The following VPS13B variants were observed in gnomAD, a reference collection of about 807,000 sequenced individuals.
VPS13B encodes intermembrane lipid transfer protein VPS13B.
A neutral mutation model predicts 426.4 loss-of-function variants in VPS13B; 285 were observed. The ratio of observed to expected loss-of-function variants is 0.67; its 90% confidence interval spans 0.61 to 0.74. The LOEUF (loss-of-function observed/expected upper bound fraction) is 0.74. Among genes scored for constraint, VPS13B ranks in the 30% least tolerant of loss-of-function variants. VPS13B has a pLI of 0.00. For missense variants in VPS13B, 4,537 were observed against 4,782.6 expected (o/e 0.95, Z 1.51); for synonymous variants, 1,676 against 1,676.4 (o/e 1.00, Z 0.01).
At chr8:99,038,679 CTTTTTTTT>C (rs34774482) in intron 3 of VPS13B, 113 bp downstream of exon 3, 14 of 168,728 alleles carry the variant, frequency 8.3e-5, no homozygotes, top group Middle Eastern at 2.3e-3. Flanking sequence ...AGCTTATATA[CTTTTTTTT>C]TTTTTTTTTT....
At chr8:99,485,967 C>G (rs1438778738) in intron 25 of VPS13B, among the ~76,000 whole-genome samples, 1 of 152,064 alleles carries the variant, frequency 6.6e-6, no homozygotes, top group Non-Finnish European at 1.5e-5. Context: ...TGCTGACTCT[C>G]CCTTTTTCTG....
intron 28 of VPS13B, 37 bp from the exon 29 acceptor site, chr8:99,511,067 A>G (rs1388095850): frequency 1.2e-6 from 2 of 1,606,832 alleles, no homozygotes; most frequent in Non-Finnish European, 8.5e-7. Flanking sequence ...AATCTTTTTA[A>G]TGAACTGTGT....
intron 29 of VPS13B, among the ~76,000 whole-genome samples, chr8:99,512,752 G>A (rs927446387): frequency 6.6e-6 from 1 of 152,196 alleles, no homozygotes; most frequent in African/African-American, 2.4e-5. Flanking sequence ...GCTCACGCCT[G>A]TAATCCCAAC....
chr8:99,771,382 T>C (rs189890667), intron 40 of VPS13B, among the ~76,000 whole-genome samples: 32 of 152,242 alleles, frequency 2.1e-4, no homozygotes, highest in Non-Finnish European at 1.5e-5. Context: ...GGCTTAAGGG[T>C]GTATGGCTCT....
intron 39 of VPS13B, among the ~76,000 whole-genome samples, chr8:99,751,010 A>T (rs963536469): frequency 2.6e-5 from 4 of 152,106 alleles, no homozygotes; most frequent in African/African-American, 9.7e-5. Flanking sequence ...CTAATTCCTT[A>T]GGAATGTTGA....
intron 39 of VPS13B, among the ~76,000 whole-genome samples, chr8:99,758,387 G>A (rs1394274083): frequency 8.5e-5 from 13 of 152,204 alleles, no homozygotes; most frequent in Non-Finnish European, 4.4e-5. Flanking sequence ...AATAATTTGA[G>A]TGGAAGTACC....
intron 21 of VPS13B, among the ~76,000 whole-genome samples, chr8:99,413,261 T>C (rs550007026): frequency 1.3e-5 from 2 of 152,206 alleles, no homozygotes; most frequent in Non-Finnish European, 2.9e-5. Context: ...ATTCAGGGAT[T>C]CAACTTCTTC....
intron 20 of VPS13B, among the ~76,000 whole-genome samples, chr8:99,390,570 G>A (rs1210977380): frequency 6.6e-6 from 1 of 151,842 alleles, no homozygotes; most frequent in Non-Finnish European, 1.5e-5. Flanking sequence ...TTTTAAGTTG[G>A]GTGAGGCTTA....
chr8:99,497,575 T>C (rs536297553), intron 25 of VPS13B, among the ~76,000 whole-genome samples: 2 of 151,984 alleles, frequency 1.3e-5, no homozygotes, highest in East Asian at 3.9e-4. Flanking sequence ...CATGAAGTGG[T>C]TCCTTTTTTA....
chr8:99,522,848 G>GAA (rs1226427587), intron 30 of VPS13B, among the ~76,000 whole-genome samples: 7 of 152,170 alleles, frequency 4.6e-5, no homozygotes, highest in African/African-American at 1.7e-4. Context: ...AGATCTCAGT[G>GAA]AAATGCTGTA....
chr8:99,578,328 A>T (rs575457980), intron 33 of VPS13B, among the ~76,000 whole-genome samples: 136 of 152,264 alleles, frequency 8.9e-4, no homozygotes, highest in South Asian at 2.7e-3. Flanking sequence ...TATTTTTGTC[A>T]TGAGTTGTAA....
intron 31 of VPS13B, among the ~76,000 whole-genome samples, chr8:99,572,626 C>T (rs1260627801): frequency 9.2e-5 from 14 of 152,166 alleles, no homozygotes; most frequent in East Asian, 1.9e-4. Flanking sequence ...CTACAAAGGA[C>T]GTGAACTCAT....
rs756282496 is a variant in VPS13B, at chr8:99,274,193, A to T, written c.2516-5A>T. On this transcript the variant is annotated splice_region_variant and splice_polypyrimidine_tract_variant and intron_variant, in intron 17 of 61. Coordinates refer to ENST00000357162, the MANE Select transcript of VPS13B (RefSeq NM_152564.5). The stretch of plus-strand genomic sequence containing the variant: ...GCTAGTACATTTGCAGTTTTCTTTT[A>T]TTAGGTGTGAAATCTAAGAATCCCC... 46 of 1,613,976 alleles carry T rather than the reference A, an allele frequency of 2.9e-5. No individual in the cohort carries two copies. The highest frequency in any genetic ancestry group is 3.9e-5 in the Non-Finnish European group (46 of 1,179,998).
At chr8:99,170,310 T>A in intron 16 of VPS13B, 147 bp downstream of exon 16, 1 of 985,534 alleles carries the variant, frequency 1.0e-6, no homozygotes, top group Non-Finnish European at 1.5e-6. Context: ...ACTGAGACAC[T>A]AAAAGTCTTT....
chr8:99,677,030 C>T (rs866413338), intron 35 of VPS13B, among the ~76,000 whole-genome samples: 6 of 152,154 alleles, frequency 3.9e-5, no homozygotes, highest in Middle Eastern at 3.4e-3. Context: ...GCAGAAGAAT[C>T]GCTTGAACCC....
At position 99,156,568 on chromosome 8, in the gene VPS13B, A is replaced by G. The variant is rs751669595; in HGVS notation, c.2033A>G (p.Asn678Ser). The change falls in exon 15 of 62, where the codon AAT becomes AGT. Residue 678 changes from asparagine (N) to serine (S), a missense_variant. Physicochemically the swap from Asn to Ser is conservative, Grantham distance 46. Transcript: ENST00000357162. ...MGEKNSSNFMNTTNFQSLRPL... is the reference protein window; with the variant it reads ...MGEKNSSNFMSTTNFQSLRPL... ...TTCTAGAACTCAAGTAACTTCATGA[A>G]TACTACAAACTTCCAGTCTCTTCGG... is the stretch of plus-strand genomic sequence containing the variant. 6.2e-6 allele frequency: 10 copies of G among 1,614,034 alleles called. No homozygotes were observed. The East Asian group carries it at 2.2e-4, about 36-fold the overall frequency.
At position 99,170,100 on chromosome 8, in the gene VPS13B, T is replaced by C. The variant is rs768118032; in HGVS notation, c.2270T>C (p.Val757Ala). The change falls in exon 16 of 62, where the codon GTA becomes GCA. Residue 757 changes from valine to alanine, a missense_variant. Transcript: ENST00000357162. ...TGCAGTGGATCTTACTGCTTACCTG[T>C]ACCAGTTATTCCCTCTTTCAGCACT... ...LDCSGSYCLP[V>A]PVIPSFSTAL... 4 of 1,613,068 alleles carry C rather than the reference T, an allele frequency of 2.5e-6. No homozygotes were observed. Among genetic ancestry groups the C allele is most frequent in the Non-Finnish European group, 3.4e-6 (4 of 1,179,112 alleles).
chr8:99,260,837 G>A (rs749097721), intron 17 of VPS13B, among the ~76,000 whole-genome samples: 1 of 151,888 alleles, frequency 6.6e-6, no homozygotes, highest in African/African-American at 2.4e-5. Flanking sequence ...CTAGTCTCTT[G>A]TACCCAGAAA....
At chr8:99,378,884 A>T (rs923410116) in intron 19 of VPS13B, among the ~76,000 whole-genome samples, 1 of 152,146 alleles carries the variant, frequency 6.6e-6, no homozygotes, top group African/African-American at 2.4e-5. Context: ...AGACTTTCTC[A>T]AAGTGACAAC....
Sources: gnomAD v4.1 joint callset for allele counts (sites outside exome capture counted in the v4.1 genomes callset) on GRCh38, gnomAD v4.1.1 for gene constraint, MANE v1.5 for transcripts, NCBI Gene and HGNC (gene_info 2026-07-23, HGNC 2026-07-21) for gene names.